The following OSBPL8 variants were observed in gnomAD, a reference collection of about 807,000 sequenced individuals.
The protein encoded by OSBPL8 is oxysterol-binding protein-related protein 8.
Under a neutral mutation model 125.5 loss-of-function variants are expected in OSBPL8, and 59 were observed. That is an observed-to-expected ratio of 0.47 (90% CI 0.38 to 0.58). The LOEUF (loss-of-function observed/expected upper bound fraction) is 0.58. Among genes scored for constraint, OSBPL8 ranks in the 20% least tolerant of loss-of-function variants. The pLI is 0.00. For synonymous variants in OSBPL8, 330 were observed against 338.9 expected (o/e 0.97, Z 0.29); for missense variants, 758 against 1,047.8 (o/e 0.72, Z 3.82).
At chr12:76,464,043 GTTC>G (rs1241824978) in intron 2 of OSBPL8, among the ~76,000 whole-genome samples, 5 of 152,188 alleles carry the variant, frequency 3.3e-5, no homozygotes, top group Non-Finnish European at 1.5e-5. Flanking sequence ...AATGCTAGGC[GTTC>G]TTCTTGGTTT....
intron 1 of OSBPL8, among the ~76,000 whole-genome samples, chr12:76,508,134 G>A (rs544619113): frequency 1.3e-4 from 19 of 150,686 alleles, no homozygotes; most frequent in Non-Finnish European, 1.9e-4. Context: ...TTGCGCCATC[G>A]CACTCCAGCC....
intron 2 of OSBPL8, among the ~76,000 whole-genome samples, chr12:76,481,794 A>T (rs1877527010): frequency 6.6e-6 from 1 of 152,232 alleles, no homozygotes. Context: ...ACCCACTCAA[A>T]ATAATACTTG....
At chr12:76,390,183 A>C in intron 11 of OSBPL8, 1 of 448,714 alleles carries the variant, frequency 2.2e-6, no homozygotes, top group Non-Finnish European at 3.9e-6. Context: ...CCTACTTCAA[A>C]ATCAAGCTTG....
At chr12:76,366,277 C>A (rs899895096) in intron 21 of OSBPL8, among the ~76,000 whole-genome samples, 2 of 152,064 alleles carry the variant, frequency 1.3e-5, no homozygotes, top group African/African-American at 4.8e-5. Context: ...TTGAGATTTT[C>A]TATTTCTTTT....
At chr12:76,428,144 T>G (rs765850478) in intron 4 of OSBPL8, among the ~76,000 whole-genome samples, 3 of 152,096 alleles carry the variant, frequency 2.0e-5, no homozygotes, top group Non-Finnish European at 2.9e-5. Flanking sequence ...ATTGCCACCT[T>G]GCCACTGAAG....
In OSBPL8 at chr12:76,450,920, C is replaced by G; in HGVS notation, c.148G>C (p.Glu50Gln). ...PGKMSQRQGK[E>Q]AYPTPTKDLH... ...TCTTTGGTTGGCGTTGGATAAGCTTCTTTTCCTTGGCGCTGACTCATCTTT... is the reference window on the plus strand; with the variant it reads ...TCTTTGGTTGGCGTTGGATAAGCTTGTTTTCCTTGGCGCTGACTCATCTTT... The change falls in exon 4 of 24, where the codon GAA (glutamate) becomes CAA (glutamine). Residue 50 changes from glutamate (E) to glutamine (Q), a missense_variant. Physicochemically the swap from Glu to Gln is conservative, Grantham distance 29. Transcript: ENST00000261183. The G allele has an allele frequency of 6.2e-7, 1 of 1,614,076 alleles. No homozygotes were observed. Among genetic ancestry groups the G allele is most frequent in the Non-Finnish European group, 8.5e-7 (1 of 1,179,982 alleles).
intron 2 of OSBPL8, among the ~76,000 whole-genome samples, chr12:76,474,734 C>T (rs1265390413): frequency 6.6e-6 from 1 of 152,208 alleles, no homozygotes; most frequent in East Asian, 1.9e-4. Flanking sequence ...CCTCCTGCCT[C>T]AGCCTCCCAA....
intron 14 of OSBPL8, among the ~76,000 whole-genome samples, chr12:76,385,261 C>T (rs963902720): frequency 5.9e-5 from 9 of 152,074 alleles, no homozygotes; most frequent in Non-Finnish European, 1.3e-4. Flanking sequence ...TCTTTTCATT[C>T]TCCTTACACT....
chr12:76,366,395 C>A (rs1952415844), intron 21 of OSBPL8, among the ~76,000 whole-genome samples: 1 of 152,180 alleles, frequency 6.6e-6, no homozygotes, highest in African/African-American at 2.4e-5. Flanking sequence ...AACATCCCCA[C>A]TTTAATTTCT....
intron 1 of OSBPL8, among the ~76,000 whole-genome samples, chr12:76,488,783 A>G (rs1397047587): frequency 6.6e-6 from 1 of 152,182 alleles, no homozygotes; most frequent in Admixed American, 6.5e-5. Flanking sequence ...AATTAGTCCA[A>G]TTAATAACAC....
At chr12:76,383,212 G>A (rs373970626) in intron 15 of OSBPL8, among the ~76,000 whole-genome samples, 3 of 151,876 alleles carry the variant, frequency 2.0e-5, no homozygotes, top group Non-Finnish European at 2.9e-5. Context: ...TATGCACCTC[G>A]TACTCAATAA....
intron 1 of OSBPL8, among the ~76,000 whole-genome samples, chr12:76,538,778 T>C (rs1950563768): frequency 6.6e-6 from 1 of 151,454 alleles, no homozygotes; most frequent in Admixed American, 6.6e-5. Flanking sequence ...TGAAATCCCA[T>C]CTCTACTAAA....
At chr12:76,429,957 G>A (rs1026490635) in intron 4 of OSBPL8, among the ~76,000 whole-genome samples, 13 of 151,650 alleles carry the variant, frequency 8.6e-5, no homozygotes, top group East Asian at 5.8e-4. Context: ...AGAAGGAGTC[G>A]TGCCTGCTCA....
intron 21 of OSBPL8, chr12:76,366,465 TTTG>T (rs1416759544): frequency 2.9e-6 from 1 of 345,256 alleles, no homozygotes; most frequent in Non-Finnish European, 5.7e-6. Flanking sequence ...GTTTATCGAT[TTTG>T]TTGATTTTTA....
intron 8 of OSBPL8, among the ~76,000 whole-genome samples, chr12:76,397,375 A>T (rs938039356): frequency 6.6e-6 from 1 of 151,138 alleles, no homozygotes; most frequent in African/African-American, 2.4e-5. Flanking sequence ...TGGGTGGGAA[A>T]AAAAAAACCA....
In OSBPL8 at chr12:76,451,934, C is replaced by T. The variant is rs569860436; in HGVS notation, c.80-946G>A. Among the ~76,000 whole-genome samples the T allele has an allele frequency of 1.1e-4, 16 of 152,224 alleles. No homozygotes were observed. In the East Asian group the frequency reaches 1.4e-3, roughly 13 times the overall value. On this transcript the variant is annotated intron_variant, in intron 3 of 23. Transcript: ENST00000261183. ...AGGAGTTCGAGACCATCCTGGCCAA[C>T]GTGGCGAAACCCCGTCTCTACTAAA...
At chr12:76,452,379 C>T (rs976365892) in intron 3 of OSBPL8, among the ~76,000 whole-genome samples, 1 of 152,096 alleles carries the variant, frequency 6.6e-6, no homozygotes, top group Non-Finnish European at 1.5e-5. Context: ...TGACTCCCAA[C>T]TTCCTATCTC....
chr12:76,479,500 C>T (rs1008499755), intron 2 of OSBPL8, among the ~76,000 whole-genome samples: 2 of 152,104 alleles, frequency 1.3e-5, no homozygotes, highest in Non-Finnish European at 2.9e-5. Flanking sequence ...ATACCACTAT[C>T]GAAATAACAG....
intron 4 of OSBPL8, among the ~76,000 whole-genome samples, chr12:76,415,037 C>T (rs1414035285): frequency 6.6e-6 from 1 of 152,060 alleles, no homozygotes; most frequent in Non-Finnish European, 1.5e-5. Context: ...ATATTCATTA[C>T]TGATTGGAAA....
Sources: gnomAD v4.1 joint callset for allele counts (sites outside exome capture counted in the v4.1 genomes callset) on GRCh38, gnomAD v4.1.1 for gene constraint, MANE v1.5 for transcripts, NCBI Gene and HGNC (gene_info 2026-07-23, HGNC 2026-07-21) for gene names.